Variants in SLC31A1 observed in about 807,000 individuals in gnomAD.
SLC31A1 encodes solute carrier family 31 member 1.
A neutral mutation model predicts 17.2 loss-of-function variants in SLC31A1; 5 were observed. That is an observed-to-expected ratio of 0.29 (90% CI 0.15 to 0.61). SLC31A1 has a LOEUF of 0.61. Ranked by LOEUF, SLC31A1 falls within the 20% of genes least tolerant of loss-of-function variation. The pLI is 0.86. For synonymous variants in SLC31A1, 76 were observed against 78.8 expected, an observed-to-expected ratio of 0.96 and a Z score of 0.19; for missense variants, 161 against 241.4, an observed-to-expected ratio of 0.67 and a Z score of 2.21.
At position 113,260,652 on chromosome 9, in the gene SLC31A1, A is replaced by T; in HGVS notation, c.*179A>T. On this transcript the variant is annotated 3_prime_UTR_variant, in exon 5 of 5. Coordinates refer to ENST00000374212, the MANE Select transcript of SLC31A1 (RefSeq NM_001859.4). The stretch of plus-strand genomic sequence containing the variant: ...GGTTTAGTTTACAGTCTCTGAACTA[A>T]AGTAGTAACCTCCCAAATTGTTTTT... The T allele has an allele frequency of 1.5e-6, 1 of 660,530 alleles. No individual in the cohort carries two copies. Among genetic ancestry groups the T allele is most frequent in the East Asian group, 2.8e-5 (1 of 35,780 alleles). The allele number at this position is 660,530 out of a possible 1,614,324, so 40.9% of individuals were successfully genotyped here.
At chr9:113,257,297 A>T (rs1233581656) in intron 3 of SLC31A1, 112 bp downstream of exon 3, 2 of 911,680 alleles carry the variant, frequency 2.2e-6, no homozygotes, top group African/African-American at 3.3e-5. Flanking sequence ...CAACATGGTA[A>T]TGATGCATAA....
chr9:113,229,042 C>A (rs1438527919), intron 1 of SLC31A1, among the ~76,000 whole-genome samples: 2 of 152,168 alleles, frequency 1.3e-5, no homozygotes, highest in Non-Finnish European at 2.9e-5. Context: ...GATGGCGTTT[C>A]TCCATGTTGG....
At chr9:113,244,480 A>G (rs1318274956) in intron 1 of SLC31A1, among the ~76,000 whole-genome samples, 2 of 152,216 alleles carry the variant, frequency 1.3e-5, no homozygotes, top group Non-Finnish European at 2.9e-5. Context: ...GTGAAGAAAG[A>G]GAAAATATCT....
At position 113,263,769 on chromosome 9, in the gene SLC31A1, T is replaced by G. The variant is rs192654273; in HGVS notation, c.*3296T>G. 3 of 152,508 alleles carry G rather than the reference T, an allele frequency of 2.0e-5. No individual in the cohort carries two copies. The highest frequency in any genetic ancestry group is 7.2e-5 in the African/African-American group (3 of 41,562). 9.4% of individuals were successfully genotyped at this position (152,508 alleles called of 1,614,324 possible). On this transcript the variant is annotated 3_prime_UTR_variant, in exon 5 of 5. Coordinates refer to ENST00000374212, the MANE Select transcript of SLC31A1 (RefSeq NM_001859.4). ...ACAGAATCTTAGGTGCCGTCTCTAGTCTGTGAGGGAGGAACTCCCAGCATC... is the reference window on the plus strand; with the variant it reads ...ACAGAATCTTAGGTGCCGTCTCTAGGCTGTGAGGGAGGAACTCCCAGCATC...
At chr9:113,229,849 C>T (rs1232552104) in intron 1 of SLC31A1, among the ~76,000 whole-genome samples, 1 of 152,170 alleles carries the variant, frequency 6.6e-6, no homozygotes, top group Non-Finnish European at 1.5e-5. Context: ...AATAGGTAAT[C>T]TCTCCAAAAT....
At position 113,221,590 on chromosome 9, in the gene SLC31A1, A is replaced by G. The variant is rs541190786; in HGVS notation, c.-124A>G. The stretch of plus-strand genomic sequence containing the variant: ...GTGGTGGACACGTCGAGCCGGGTAG[A>G]AGTGGAGGGGCCGTTCGAAGAGTCG... On this transcript the variant is annotated 5_prime_UTR_variant, in exon 1 of 5. Transcript: ENST00000374212. 67 of 420,258 alleles carry G rather than the reference A, an allele frequency of 1.6e-4. No individual in the cohort carries two copies. In the Middle Eastern group the frequency reaches 2.2e-3, roughly 14 times the overall value. The allele number at this position is 420,258 out of a possible 1,614,324, so 26.0% of individuals were successfully genotyped here.
intron 1 of SLC31A1, among the ~76,000 whole-genome samples, chr9:113,230,082 A>G (rs1453329215): frequency 6.6e-6 from 1 of 152,258 alleles, no homozygotes; most frequent in Non-Finnish European, 1.5e-5. Flanking sequence ...AGATGGAAAG[A>G]TGAAACAAAG....
Position 113,260,470 on chromosome 9 carries a change from T to G in SLC31A1, c.570T>G (p.His190Gln). 3 of 1,613,218 alleles carry G rather than the reference T, an allele frequency of 1.9e-6. No homozygotes were observed. The highest frequency in any genetic ancestry group is 2.5e-6 in the Non-Finnish European group (3 of 1,179,784). ...TAGTGGATATCACAGAGCATTGCCA[T>G]TGACATCAAACTCTATGGCGTGGCC... Reference protein sequence around the residue: ...AVVVDITEHCH With the variant: ...AVVVDITEHCQ Residue 190 changes from histidine to glutamine, a missense_variant, in exon 5 of 5, where the codon CAT becomes CAG. Physicochemically the swap from His to Gln is conservative, Grantham distance 24 (BLOSUM62 0). Coordinates refer to ENST00000374212, the MANE Select transcript of SLC31A1 (RefSeq NM_001859.4).
intron 4 of SLC31A1, 145 bp downstream of exon 4, chr9:113,259,007 T>C (rs1819008760): frequency 2.4e-6 from 2 of 834,602 alleles, no homozygotes; most frequent in Non-Finnish European, 4.0e-6. Context: ...AGGTTTGGGT[T>C]TGTAGGTCAT....
intron 1 of SLC31A1, among the ~76,000 whole-genome samples, chr9:113,243,433 C>T (rs967433906): frequency 3.3e-5 from 5 of 152,174 alleles, no homozygotes; most frequent in African/African-American, 1.2e-4. Context: ...TGTCTTGCCT[C>T]AACAGGTTTC....
At chr9:113,235,957 AT>A (rs1831453607) in intron 1 of SLC31A1, among the ~76,000 whole-genome samples, 1 of 152,220 alleles carries the variant, frequency 6.6e-6, no homozygotes, top group African/African-American at 2.4e-5. Context: ...TGGCTAAAGT[AT>A]ATCAATCATT....
At position 113,248,491 on chromosome 9, in the gene SLC31A1, CAG is replaced by C. The variant is rs1831609584; in HGVS notation, c.-35-7620_-35-7619del. Among the ~76,000 whole-genome samples, 4 of 47,260 alleles carry C rather than the reference CAG, an allele frequency of 8.5e-5. No individual in the cohort carries two copies. In the South Asian group the frequency reaches 2.1e-3, roughly 25 times the overall value. The allele number at this position is 47,260 out of a possible 152,430, so 31.0% of individuals were successfully genotyped here. ...TTTTTTTTTTTTTTTTTTTTTGAAA[CAG>C]AGTTTTGCTCTTGTTGCCCAGGCTG... On this transcript the variant is annotated intron_variant, in intron 1 of 4. Transcript: ENST00000374212.
intron 1 of SLC31A1, among the ~76,000 whole-genome samples, chr9:113,243,075 CTT>C (rs59271432): frequency 2.1e-5 from 3 of 139,700 alleles, no homozygotes; most frequent in Admixed American, 1.4e-4. Context: ...ATACTCTAGG[CTT>C]TTTTTTTTTT....
chr9:113,238,217 G>T lies in SLC31A1; in HGVS notation c.-36+16539G>T, dbSNP rs532284277. Reference sequence around the variant, plus strand: ...TGAGAAATGTCTGGAGACATTTTTGGTTGTCACAACTGGGGCAATGCTACT... The same window carrying T: ...TGAGAAATGTCTGGAGACATTTTTGTTTGTCACAACTGGGGCAATGCTACT... On this transcript the variant is annotated intron_variant, in intron 1 of 4. Coordinates refer to ENST00000374212, the MANE Select transcript of SLC31A1 (RefSeq NM_001859.4). Among the ~76,000 whole-genome samples, 108 of 152,248 alleles carry T rather than the reference G, an allele frequency of 7.1e-4. 1 individual carries two copies. The highest frequency in any genetic ancestry group is 6.3e-3 in the Admixed American group (96 of 15,294).
chr9:113,249,246 A>G (rs993169379), intron 1 of SLC31A1, among the ~76,000 whole-genome samples: 26 of 150,876 alleles, frequency 1.7e-4, no homozygotes, highest in African/African-American at 5.3e-4. Context: ...ATGATTCTCC[A>G]GTATTGAACG....
chr9:113,255,991 G>A (rs1446248547), intron 1 of SLC31A1, 123 bp from the exon 2 acceptor site: 7 of 667,066 alleles, frequency 1.0e-5, no homozygotes, highest in African/African-American at 5.5e-5. Flanking sequence ...GTGGGATCAT[G>A]CCTGTGAATA....
At chr9:113,232,886 A>G (rs897773638) in intron 1 of SLC31A1, among the ~76,000 whole-genome samples, 2 of 152,126 alleles carry the variant, frequency 1.3e-5, no homozygotes, top group African/African-American at 4.8e-5. Flanking sequence ...AGTGTTAGCT[A>G]TGGGGTAGTT....
intron 1 of SLC31A1, among the ~76,000 whole-genome samples, chr9:113,243,074 G>A (rs1203284425): frequency 6.7e-6 from 1 of 149,982 alleles, no homozygotes; most frequent in Non-Finnish European, 1.5e-5. Context: ...TATACTCTAG[G>A]CTTTTTTTTT....
intron 1 of SLC31A1, among the ~76,000 whole-genome samples, chr9:113,223,576 TA>T (rs1831310702): frequency 6.6e-6 from 1 of 152,224 alleles, no homozygotes; most frequent in Non-Finnish European, 1.5e-5. Flanking sequence ...CATTTTTGTT[TA>T]TTTGTTTTGC....
Sources: allele counts gnomAD v4.1 joint callset (sites outside exome capture counted in the v4.1 genomes callset), GRCh38; gene constraint gnomAD v4.1.1; transcripts MANE v1.5; gene names NCBI Gene and HGNC (gene_info 2026-07-23, HGNC 2026-07-21).